The following ADGRL3 variants were observed in gnomAD, a reference collection of about 807,000 sequenced individuals.
ADGRL3 encodes adhesion G protein-coupled receptor L3, also known as calcium-independent alpha-latrotoxin receptor 3.
Under a neutral mutation model 153.5 loss-of-function variants are expected in ADGRL3, and 62 were observed. The observed-to-expected ratio is 0.40, with a 90% confidence interval of 0.33 to 0.50. ADGRL3 has a LOEUF of 0.50. Among genes scored for constraint, ADGRL3 ranks in the 20% least tolerant of loss-of-function variants. ADGRL3 has a pLI of 0.47. For missense variants in ADGRL3, 1,641 were observed against 1,859.4 expected (o/e 0.88, Z 2.16); for synonymous variants, 710 against 672.5 (o/e 1.06, Z -0.86).
rs1341554623 is a variant in ADGRL3 at position 61,998,189 on chromosome 4, C to T, written c.3319C>T (p.Leu1107Phe). 6.4e-7 allele frequency: 1 copy of T among 1,570,870 alleles called. No homozygotes were observed. ...TLIIMLNVIF[L>F]GIALYKMFHH... Reference sequence around the variant, plus strand: ...TGCATTCCAGCTTAATGTAATCTTCCTTGGGATTGCTTTATATAAAATGTT... The same window carrying T: ...TGCATTCCAGCTTAATGTAATCTTCTTTGGGATTGCTTTATATAAAATGTT... Residue 1107 changes from leucine to phenylalanine, a missense_variant, in exon 21 of 27, where the codon CTT (leucine) becomes TTT (phenylalanine). Leu to Phe is a conservative substitution (Grantham distance 22). Transcript: ENST00000683033.
At chr4:61,282,891 G>T (rs1380094206) in intron 1 of ADGRL3, among the ~76,000 whole-genome samples, 2 of 152,168 alleles carry the variant, frequency 1.3e-5, no homozygotes, top group African/African-American at 4.8e-5. Context: ...ATAACAGCTA[G>T]TAGTTATTAA....
At chr4:61,478,589 AT>A (rs2098093485) in intron 2 of ADGRL3, among the ~76,000 whole-genome samples, 1 of 151,982 alleles carries the variant, frequency 6.6e-6, no homozygotes, top group Admixed American at 6.6e-5. Context: ...TCTGCTATGT[AT>A]TTTCATATCT....
At position 61,963,573 on chromosome 4, in the gene ADGRL3, T is replaced by TTGC. The variant is rs1203443143; in HGVS notation, c.2805+15301_2805+15303dup. 2.6e-5 allele frequency among the ~76,000 whole-genome samples: 4 copies of TTGC among 152,216 alleles called. No homozygotes were observed. In the East Asian group the frequency reaches 7.7e-4, roughly 29 times the overall value. The stretch of plus-strand genomic sequence containing the variant: ...AAAATGGCCTCCAGTTCCATCCATG[T>TTGC]TGCTGCAAAGGACTTGATTTTATTC... On this transcript the variant is annotated intron_variant, in intron 17 of 26. Coordinates refer to ENST00000683033, the MANE Select transcript of ADGRL3 (RefSeq NM_001387552.1).
chr4:61,752,709 G>C (rs1561184091), intron 8 of ADGRL3, among the ~76,000 whole-genome samples: 1 of 152,142 alleles, frequency 6.6e-6, no homozygotes, highest in Non-Finnish European at 1.5e-5. Flanking sequence ...GAGGTAGGTG[G>C]ATTGCTTGAG....
At chr4:61,869,960 A>AAAAAAAAAAAAAG (rs1554051477) in intron 9 of ADGRL3, among the ~76,000 whole-genome samples, 8 of 101,884 alleles carry the variant, frequency 7.9e-5, no homozygotes, top group African/African-American at 2.0e-4. Flanking sequence ...AAAAAAAAAA[A>AAAAAAAAAAAAAG]AGAGAGAGAG....
intron 3 of ADGRL3, among the ~76,000 whole-genome samples, chr4:61,501,519 C>T (rs894008858): frequency 6.6e-6 from 1 of 152,140 alleles, no homozygotes; most frequent in Non-Finnish European, 1.5e-5. Flanking sequence ...TCTTTTTCTA[C>T]TCAAACCTCA....
chr4:61,439,065 AAGATACTGAGCTAAGTAT>A (rs2097494575), intron 2 of ADGRL3, among the ~76,000 whole-genome samples: 3 of 152,162 alleles, frequency 2.0e-5, no homozygotes, highest in African/African-American at 7.2e-5. Context: ...CCAGAAAAAA[AAGATACTGAGCTAAGTAT>A]ATAATATTAT....
chr4:61,955,014 T>C (rs1176740501), intron 17 of ADGRL3, among the ~76,000 whole-genome samples: 1 of 152,210 alleles, frequency 6.6e-6, no homozygotes, highest in African/African-American at 2.4e-5. Flanking sequence ...TGATTCCAGC[T>C]GAACGTTGCT....
chr4:61,710,683 T>A (rs972459294), intron 6 of ADGRL3, among the ~76,000 whole-genome samples: 1 of 152,186 alleles, frequency 6.6e-6, no homozygotes, highest in Non-Finnish European at 1.5e-5. Flanking sequence ...CACATCTAAA[T>A]GTCAGAATCT....
chr4:61,324,389 T>TA (rs890190046), intron 1 of ADGRL3, among the ~76,000 whole-genome samples: 50 of 151,590 alleles, frequency 3.3e-4, no homozygotes, highest in African/African-American at 7.0e-4. Context: ...ATAAGCATGT[T>TA]AAAAAAAAAG....
intron 9 of ADGRL3, among the ~76,000 whole-genome samples, chr4:61,861,861 T>C (rs1311667928): frequency 2.0e-5 from 3 of 152,022 alleles, no homozygotes. Context: ...CCGCCCTACC[T>C]GGAACTGACA....
At chr4:61,577,666 A>G (rs1282653088) in intron 4 of ADGRL3, among the ~76,000 whole-genome samples, 3 of 151,904 alleles carry the variant, frequency 2.0e-5, no homozygotes, top group African/African-American at 4.8e-5. Flanking sequence ...AAAAAAAATT[A>G]GCCAGGCATG....
intron 11 of ADGRL3, among the ~76,000 whole-genome samples, chr4:61,896,249 A>T (rs2098630900): frequency 6.6e-6 from 1 of 151,336 alleles, no homozygotes; most frequent in East Asian, 2.0e-4. Flanking sequence ...TTTATCAATG[A>T]TAAAAATATA....
chr4:61,871,279 G>GAA (rs538933011), intron 9 of ADGRL3, among the ~76,000 whole-genome samples: 35 of 124,970 alleles, frequency 2.8e-4, no homozygotes, highest in Admixed American at 5.8e-4. Flanking sequence ...CTCCATCTCA[G>GAA]AAAAAAAAAA....
intron 2 of ADGRL3, among the ~76,000 whole-genome samples, chr4:61,387,371 C>T (rs560907883): frequency 4.6e-5 from 7 of 152,036 alleles, no homozygotes; most frequent in Non-Finnish European, 1.0e-4. Context: ...TATCAGGAGA[C>T]GAGGTTTTGA....
chr4:61,624,527 G>C (rs2092718414), intron 5 of ADGRL3, among the ~76,000 whole-genome samples: 2 of 151,750 alleles, frequency 1.3e-5, no homozygotes, highest in Admixed American at 6.6e-5. Context: ...TCCCAACCAG[G>C]GTTCCTTGAA....
At chr4:61,698,278 C>T (rs1190559662) in intron 6 of ADGRL3, among the ~76,000 whole-genome samples, 2 of 151,950 alleles carry the variant, frequency 1.3e-5, no homozygotes, top group Admixed American at 6.6e-5. Context: ...GGTGAAACCG[C>T]GTCTCTACTA....
chr4:61,536,822 T>C (rs937784764), intron 4 of ADGRL3, among the ~76,000 whole-genome samples: 2 of 151,854 alleles, frequency 1.3e-5, no homozygotes, highest in African/African-American at 2.4e-5. Flanking sequence ...TGGTAGGCTC[T>C]TTTTTTTCCC....
chr4:61,920,073 C>T (rs1253834081), intron 13 of ADGRL3, among the ~76,000 whole-genome samples: 6 of 152,094 alleles, frequency 3.9e-5, no homozygotes, highest in Non-Finnish European at 7.4e-5. Flanking sequence ...AAGCCTGGGC[C>T]ATTATGTAAT....
Sources: allele counts gnomAD v4.1 joint callset (sites outside exome capture counted in the v4.1 genomes callset), GRCh38; gene constraint gnomAD v4.1.1; transcripts MANE v1.5; gene names NCBI Gene and HGNC (gene_info 2026-07-23, HGNC 2026-07-21).